WDR17: variants seen among roughly 807,000 people sequenced by gnomAD.
WDR17 encodes WD repeat domain 17.
WDR17 carries 143 observed loss-of-function variants against 161.7 expected under a neutral mutation model. That is an observed-to-expected ratio of 0.88 (90% CI 0.77 to 1.02). The LOEUF is 1.02. Among genes scored for constraint, WDR17 ranks in the 50% least tolerant of loss-of-function variants. WDR17 has a pLI of 0.00. For missense variants in WDR17, 1,469 were observed against 1,520.9 expected (o/e 0.97, Z 0.57); for synonymous variants, 517 against 515.6 (o/e 1.00, Z -0.04).
intron 12 of WDR17, 101 bp downstream of exon 12, chr4:176,146,260 G>GGGAGACTCTGTA: frequency 8.3e-7 from 1 of 1,200,366 alleles, no homozygotes; most frequent in Non-Finnish European, 1.1e-6. Flanking sequence ...TATATACAGA[G>GGGAGACTCTGTA]TCTCCCTCTG....
At chr4:176,097,352 A>G (rs1737052584) in intron 1 of WDR17, among the ~76,000 whole-genome samples, 1 of 152,000 alleles carries the variant, frequency 6.6e-6, no homozygotes, top group Admixed American at 6.6e-5. Flanking sequence ...TCAAGGGCAT[A>G]GGCTGCCAAT....
intron 12 of WDR17, among the ~76,000 whole-genome samples, chr4:176,147,023 C>T (rs989694131): frequency 1.3e-5 from 2 of 152,110 alleles, no homozygotes; most frequent in East Asian, 3.9e-4. Context: ...TGCGCCACCA[C>T]GCCCAGCTAA....
intron 20 of WDR17, among the ~76,000 whole-genome samples, chr4:176,161,515 G>A (rs1749031709): frequency 6.6e-6 from 1 of 151,958 alleles, no homozygotes; most frequent in Non-Finnish European, 1.5e-5. Flanking sequence ...TTTTAATCCA[G>A]TAGTCTGCCT....
At chr4:176,154,113 C>T (rs548342335) in intron 17 of WDR17, among the ~76,000 whole-genome samples, 1 of 152,222 alleles carries the variant, frequency 6.6e-6, no homozygotes, top group Non-Finnish European at 1.5e-5. Flanking sequence ...GTTTGGGAAG[C>T]TTAATAATTT....
chr4:176,137,005 A>G (rs978792426), intron 8 of WDR17, among the ~76,000 whole-genome samples: 4 of 151,520 alleles, frequency 2.6e-5, no homozygotes, highest in Non-Finnish European at 5.9e-5. Flanking sequence ...AAATTTTTTT[A>G]TTTCTTAAAA....
chr4:176,176,614 A>G (rs1260681216), intron 26 of WDR17, among the ~76,000 whole-genome samples: 1 of 152,218 alleles, frequency 6.6e-6, no homozygotes, highest in Non-Finnish European at 1.5e-5. Flanking sequence ...GCAGCTTGCT[A>G]AACTCCAGCC....
At chr4:176,072,400 G>T (rs1398375986) in intron 1 of WDR17, among the ~76,000 whole-genome samples, 1 of 152,232 alleles carries the variant, frequency 6.6e-6, no homozygotes, top group Non-Finnish European at 1.5e-5. Context: ...ATTTGTTGGA[G>T]TTGGGATGTG....
At chr4:176,096,822 T>C (rs1466111910) in intron 1 of WDR17, among the ~76,000 whole-genome samples, 10 of 151,800 alleles carry the variant, frequency 6.6e-5, no homozygotes, top group Non-Finnish European at 1.5e-5. Flanking sequence ...GAGTTCTTAA[T>C]GTTTTCAAAT....
chr4:176,085,998 A>T (rs1032334761), intron 1 of WDR17, among the ~76,000 whole-genome samples: 5 of 151,928 alleles, frequency 3.3e-5, no homozygotes, highest in African/African-American at 1.2e-4. Flanking sequence ...CTATGTTTAG[A>T]CTTTGCTATT....
intron 7 of WDR17, among the ~76,000 whole-genome samples, chr4:176,133,705 A>G (rs1743927924): frequency 6.6e-6 from 1 of 151,626 alleles, no homozygotes; most frequent in African/African-American, 2.4e-5. Flanking sequence ...TGCTGTATGT[A>G]TGAAGCATCT....
At chr4:176,155,545 G>GTTTTTTTTTTGTTTTGTTTTGT (rs1747940095) in intron 17 of WDR17, among the ~76,000 whole-genome samples, 1 of 105,248 alleles carries the variant, frequency 9.5e-6, no homozygotes, top group African/African-American at 3.9e-5. Flanking sequence ...ATTTGTTTGT[G>GTTTTTTTTTTGTTTTGTTTTGT]TTTTTTTTTT....
chr4:176,085,129 T>C (rs1735265797), intron 1 of WDR17, among the ~76,000 whole-genome samples: 1 of 152,042 alleles, frequency 6.6e-6, no homozygotes, highest in Non-Finnish European at 1.5e-5. Context: ...GCACTTTTCA[T>C]ACATAAAAAA....
intron 1 of WDR17, among the ~76,000 whole-genome samples, chr4:176,082,423 A>G (rs1054620112): frequency 7.2e-5 from 11 of 152,112 alleles, no homozygotes; most frequent in Non-Finnish European, 1.3e-4. Flanking sequence ...TTTGTAAAAT[A>G]TGATTTGAAA....
At chr4:176,100,485 G>A (rs1579046471) in intron 1 of WDR17, among the ~76,000 whole-genome samples, 1 of 152,034 alleles carries the variant, frequency 6.6e-6, no homozygotes, top group Non-Finnish European at 1.5e-5. Flanking sequence ...CTGGATATTA[G>A]TCCCCTGTTG....
intron 9 of WDR17, 32 bp downstream of exon 9, chr4:176,137,643 A>C (rs1392955104): frequency 7.6e-7 from 1 of 1,308,856 alleles, no homozygotes; most frequent in Non-Finnish European, 1.1e-6. Context: ...TGAATAATAT[A>C]ATGTTTTATA....
At chr4:176,154,498 A>G (rs945148201) in intron 17 of WDR17, among the ~76,000 whole-genome samples, 3 of 151,982 alleles carry the variant, frequency 2.0e-5, no homozygotes, top group Middle Eastern at 3.5e-3. Context: ...AAAAAAGAAA[A>G]AAGAAATATG....
At chr4:176,088,499 G>T (rs1735705678) in intron 1 of WDR17, among the ~76,000 whole-genome samples, 1 of 152,144 alleles carries the variant, frequency 6.6e-6, no homozygotes. Context: ...TTGTTAAAGG[G>T]TGAGCTTGGA....
chr4:176,130,113 CAG>C (rs1743116858), intron 6 of WDR17, among the ~76,000 whole-genome samples: 2 of 151,960 alleles, frequency 1.3e-5, no homozygotes, highest in South Asian at 4.1e-4. Context: ...TTTAATATAA[CAG>C]AAAGTATGGA....
chr4:176,126,565 G>GA (rs77986329), intron 5 of WDR17, among the ~76,000 whole-genome samples: 5 of 152,112 alleles, frequency 3.3e-5, no homozygotes, highest in Admixed American at 1.3e-4. Flanking sequence ...AATGTTAGGG[G>GA]AAAAAAATTC....
Sources: allele counts gnomAD v4.1 joint callset (sites outside exome capture counted in the v4.1 genomes callset), GRCh38; gene constraint gnomAD v4.1.1; transcripts MANE v1.5; gene names NCBI Gene and HGNC (gene_info 2026-07-23, HGNC 2026-07-21).